Variants in RAB3C observed in about 807,000 individuals in gnomAD.
RAB3C encodes the protein RAB3C, member RAS oncogene family, also known as ras-related protein Rab-3C.
Under a neutral mutation model 26.4 loss-of-function variants are expected in RAB3C, and 17 were observed. The ratio of observed to expected loss-of-function variants is 0.64; its 90% CI spans 0.44 to 0.97. The LOEUF is 0.97. Among genes scored for constraint, RAB3C ranks in the 50% least tolerant of loss-of-function variants. The probability of loss-of-function intolerance (pLI) is 0.00; values close to 1 mark genes in which losing one functional copy is unlikely to be tolerated. For synonymous variants in RAB3C, 91 were observed against 95.9 expected (o/e 0.95, Z 0.30); for missense variants, 242 against 281.9 (o/e 0.86, Z 1.01).
intron 2 of RAB3C, among the ~76,000 whole-genome samples, chr5:58,620,761 G>C (rs1024430616): frequency 6.6e-6 from 1 of 152,192 alleles, no homozygotes; most frequent in Non-Finnish European, 1.5e-5. Flanking sequence ...CGCTAATTAA[G>C]AGTCTTCTTG....
At chr5:58,668,132 T>A (rs913270690) in intron 2 of RAB3C, among the ~76,000 whole-genome samples, 2 of 152,210 alleles carry the variant, frequency 1.3e-5, no homozygotes, top group African/African-American at 4.8e-5. Flanking sequence ...ATTAATATTA[T>A]ATTCTAGTGG....
At chr5:58,714,632 C>T (rs1749130651) in intron 2 of RAB3C, among the ~76,000 whole-genome samples, 2 of 151,826 alleles carry the variant, frequency 1.3e-5, no homozygotes, top group Admixed American at 6.6e-5. Context: ...AAACATTGTA[C>T]AACATTATGA....
intron 1 of RAB3C, among the ~76,000 whole-genome samples, chr5:58,596,586 T>A (rs1168084525): frequency 3.3e-5 from 4 of 122,552 alleles, no homozygotes; most frequent in Non-Finnish European, 6.4e-5. Flanking sequence ...TAATACTATA[T>A]AATACATAAT....
At chr5:58,720,479 T>C (rs965607399) in intron 2 of RAB3C, among the ~76,000 whole-genome samples, 1 of 151,872 alleles carries the variant, frequency 6.6e-6, no homozygotes, top group Non-Finnish European at 1.5e-5. Context: ...GGTAACTAGG[T>C]ATGAATTAAG....
At chr5:58,709,073 G>T (rs969152030) in intron 2 of RAB3C, among the ~76,000 whole-genome samples, 1 of 152,012 alleles carries the variant, frequency 6.6e-6, no homozygotes, top group Non-Finnish European at 1.5e-5. Context: ...CTGTTGATCT[G>T]GAAATAATAT....
chr5:58,729,134 G>A (rs1004191890), intron 3 of RAB3C, among the ~76,000 whole-genome samples: 2 of 151,948 alleles, frequency 1.3e-5, no homozygotes, highest in Non-Finnish European at 2.9e-5. Context: ...TGCAGATCAC[G>A]TAAGACCTAG....
chr5:58,813,860 A>G (rs1292181027), intron 3 of RAB3C, among the ~76,000 whole-genome samples: 3 of 96,460 alleles, frequency 3.1e-5, no homozygotes, highest in African/African-American at 1.1e-4. Context: ...AGCAAGAATC[A>G]GATGCATGCC....
In RAB3C at chr5:58,855,747, C is replaced by T. The variant is rs1330581532; in HGVS notation, c.*4396C>T. On this transcript the variant is annotated 3_prime_UTR_variant, in exon 5 of 5. Transcript: ENST00000282878. ...TTTTATATCATGGAATTTACTGGGC[C>T]AAATTAAGTAAAAGATGAAGTTTAT... is the stretch of plus-strand genomic sequence containing the variant. The T allele has an allele frequency of 6.6e-6, 1 of 151,998 alleles. No individual in the cohort carries two copies. Among genetic ancestry groups the T allele is most frequent in the South Asian group, 2.1e-4 (1 of 4,820 alleles). 9.4% of individuals were successfully genotyped at this position (151,998 alleles called of 1,614,324 possible).
At chr5:58,607,680 A>G (rs1023854076) in intron 1 of RAB3C, among the ~76,000 whole-genome samples, 1 of 152,248 alleles carries the variant, frequency 6.6e-6, no homozygotes, top group Non-Finnish European at 1.5e-5. Context: ...CGGGTTACCC[A>G]CAAAGGGAAG....
chr5:58,664,757 C>T (rs537480923), intron 2 of RAB3C, among the ~76,000 whole-genome samples: 226 of 152,084 alleles, frequency 1.5e-3, no homozygotes, highest in African/African-American at 5.2e-3. Context: ...TCCTGCAAAC[C>T]ATCTAGTAGC....
chr5:58,614,247 G>A (rs1381885552), intron 1 of RAB3C, among the ~76,000 whole-genome samples: 2 of 151,956 alleles, frequency 1.3e-5, no homozygotes, highest in African/African-American at 4.8e-5. Context: ...TTAGTATTTA[G>A]AGATATCAGT....
intron 3 of RAB3C, among the ~76,000 whole-genome samples, chr5:58,820,122 G>A (rs1169508145): frequency 6.6e-6 from 1 of 151,100 alleles, no homozygotes; most frequent in Non-Finnish European, 1.5e-5. Context: ...TTCTTGCAAA[G>A]CAACAACATA....
chr5:58,633,124 A>G (rs530749602), intron 2 of RAB3C, among the ~76,000 whole-genome samples: 3 of 152,226 alleles, frequency 2.0e-5, no homozygotes, highest in African/African-American at 7.2e-5. Flanking sequence ...GAAAATTCCA[A>G]TGACTAGAGG....
rs541587821 is a variant in RAB3C at position 58,732,112 on chromosome 5, A to T, written c.371+5992A>T. 2.3e-3 allele frequency among the ~76,000 whole-genome samples: 331 copies of T among 146,628 alleles called. 1 individual carries two copies. Among genetic ancestry groups the T allele is most frequent in the African/African-American group, 7.1e-3 (284 of 39,780 alleles). On this transcript the variant is annotated intron_variant, in intron 3 of 4. Coordinates refer to ENST00000282878, the MANE Select transcript of RAB3C (RefSeq NM_138453.4). ...TTTTTCTGTTTTGTTTTTTTTTTTT[A>T]AATTATACTTTAAGTTTTAGGGTAC...
chr5:58,673,706 C>G (rs1748168597), intron 2 of RAB3C, among the ~76,000 whole-genome samples: 1 of 152,148 alleles, frequency 6.6e-6, no homozygotes, highest in African/African-American at 2.4e-5. Flanking sequence ...ATTTGCTTCT[C>G]TTAAATTACG....
At chr5:58,605,119 G>A (rs984913102) in intron 1 of RAB3C, among the ~76,000 whole-genome samples, 8 of 152,292 alleles carry the variant, frequency 5.3e-5, no homozygotes, top group African/African-American at 1.9e-4. Flanking sequence ...GGAGAGGAGG[G>A]CCTCCCTTTC....
At chr5:58,727,845 T>C (rs1246910845) in intron 3 of RAB3C, among the ~76,000 whole-genome samples, 1 of 152,026 alleles carries the variant, frequency 6.6e-6, no homozygotes, top group African/African-American at 2.4e-5. Flanking sequence ...GCCTCATCAA[T>C]GCCTGCTGAA....
intron 3 of RAB3C, among the ~76,000 whole-genome samples, chr5:58,745,392 C>CAAAAAAAAAAAAAAAAAAAAAA (rs1173604247): frequency 6.0e-5 from 2 of 33,110 alleles, no homozygotes; most frequent in Admixed American, 3.8e-4. Flanking sequence ...GACTCTGCTT[C>CAAAAAAAAAAAAAAAAAAAAAA]AAAAAAAAAA....
At chr5:58,645,173 T>A (rs1408338665) in intron 2 of RAB3C, among the ~76,000 whole-genome samples, 1 of 152,140 alleles carries the variant, frequency 6.6e-6, no homozygotes, top group Non-Finnish European at 1.5e-5. Context: ...TCATTCAGGG[T>A]CAAATGAGAC....
Sources: gnomAD v4.1 joint callset for allele counts (sites outside exome capture counted in the v4.1 genomes callset) on GRCh38, gnomAD v4.1.1 for gene constraint, MANE v1.5 for transcripts, NCBI Gene and HGNC (gene_info 2026-07-23, HGNC 2026-07-21) for gene names.